The following ATP6V1H variants were observed in gnomAD, a reference collection of about 807,000 sequenced individuals.
ATP6V1H encodes the protein V-type proton ATPase subunit H.
ATP6V1H carries 39 observed loss-of-function variants against 71.7 expected under a neutral mutation model. The ratio of observed to expected loss-of-function variants is 0.54; its 90% CI spans 0.42 to 0.71. The LOEUF (loss-of-function observed/expected upper bound fraction) is 0.71. ATP6V1H is among the 30% of genes least tolerant of loss of function. ATP6V1H has a pLI of 0.00. For missense variants in ATP6V1H, 509 were observed against 594.9 expected, an observed-to-expected ratio of 0.86 and a Z score of 1.50; for synonymous variants, 192 against 199.3, an observed-to-expected ratio of 0.96 and a Z score of 0.31.
intron 9 of ATP6V1H, among the ~76,000 whole-genome samples, chr8:53,775,330 G>C (rs922461920): frequency 2.6e-5 from 4 of 152,202 alleles, no homozygotes; most frequent in Non-Finnish European, 5.9e-5. Flanking sequence ...AAGAGCGAAA[G>C]AACACAGCTC....
At chr8:53,720,392 C>T (rs1806572852) in intron 13 of ATP6V1H, among the ~76,000 whole-genome samples, 1 of 152,182 alleles carries the variant, frequency 6.6e-6, no homozygotes. Flanking sequence ...CACTGAAAAA[C>T]TGACTTCCAC....
At chr8:53,757,270 C>T (rs544851244) in intron 11 of ATP6V1H, among the ~76,000 whole-genome samples, 1 of 152,268 alleles carries the variant, frequency 6.6e-6, no homozygotes, top group South Asian at 2.1e-4. Context: ...AGAACAGGAG[C>T]CAGGAACCAG....
At position 53,803,353 on chromosome 8, in the gene ATP6V1H, CAGA is replaced by C. The variant is rs530030781; in HGVS notation, c.580-1460_580-1458del. On this transcript the variant is annotated intron_variant, in intron 7 of 13. Transcript: ENST00000359530. ...CTCTATCTCAAAAAAAAAATAAAAA[CAGA>C]AGAAGAAGAAGAGAAAGGAAAAGAA... 2.3e-3 allele frequency among the ~76,000 whole-genome samples: 355 copies of C among 151,570 alleles called. 2 individuals carry two copies. The highest frequency in any genetic ancestry group is 8.0e-3 in the African/African-American group (331 of 41,374).
At chr8:53,826,180 C>T (rs1395966756) in intron 4 of ATP6V1H, among the ~76,000 whole-genome samples, 1 of 152,104 alleles carries the variant, frequency 6.6e-6, no homozygotes, top group African/African-American at 2.4e-5. Context: ...GAGAAGGTTA[C>T]AGGGAACCAG....
At chr8:53,748,032 C>T (rs917467618) in intron 12 of ATP6V1H, among the ~76,000 whole-genome samples, 2 of 151,976 alleles carry the variant, frequency 1.3e-5, no homozygotes, top group African/African-American at 4.8e-5. Flanking sequence ...GTGGTGGGCG[C>T]CTGTAATCCC....
At chr8:53,780,753 A>C (rs1225468121) in intron 9 of ATP6V1H, among the ~76,000 whole-genome samples, 2 of 151,390 alleles carry the variant, frequency 1.3e-5, no homozygotes, top group Non-Finnish European at 2.9e-5. Flanking sequence ...ATGTGTTCTC[A>C]TTGTTCAATT....
At chr8:53,730,738 T>C (rs1806986850) in intron 13 of ATP6V1H, among the ~76,000 whole-genome samples, 1 of 152,166 alleles carries the variant, frequency 6.6e-6, no homozygotes, top group Non-Finnish European at 1.5e-5. Flanking sequence ...AAGCAGCTTT[T>C]CAGTAGTTAA....
chr8:53,803,443 A>T (rs950633281), intron 7 of ATP6V1H, among the ~76,000 whole-genome samples: 1 of 152,236 alleles, frequency 6.6e-6, no homozygotes, highest in African/African-American at 2.4e-5. Flanking sequence ...TTAAGGAAAG[A>T]ATCACAGGTG....
At chr8:53,840,925 T>C (rs1350284612) in intron 2 of ATP6V1H, among the ~76,000 whole-genome samples, 1 of 152,042 alleles carries the variant, frequency 6.6e-6, no homozygotes. Flanking sequence ...TACTGAAACA[T>C]CAGCACATTA....
intron 2 of ATP6V1H, among the ~76,000 whole-genome samples, chr8:53,839,419 C>T (rs1811274306): frequency 6.6e-6 from 1 of 152,080 alleles, no homozygotes. Context: ...AGCAAGTCTC[C>T]CCTCCTCCTG....
chr8:53,803,173 C>T (rs1809970338), intron 7 of ATP6V1H, among the ~76,000 whole-genome samples: 1 of 152,096 alleles, frequency 6.6e-6, no homozygotes, highest in South Asian at 2.1e-4. Context: ...TCCATCTCTA[C>T]TAAAAATACA....
chr8:53,755,980 A>C (rs1417732405), intron 12 of ATP6V1H, among the ~76,000 whole-genome samples: 1 of 140,016 alleles, frequency 7.1e-6, no homozygotes, highest in Non-Finnish European at 1.5e-5. Context: ...GATGGTCTCG[A>C]TCTCCTGACC....
chr8:53,758,781 C>T (rs1808159163), intron 11 of ATP6V1H, among the ~76,000 whole-genome samples: 1 of 152,218 alleles, frequency 6.6e-6, no homozygotes, highest in Admixed American at 6.5e-5. Flanking sequence ...CAGATGCCAT[C>T]TGTTTTTGTA....
chr8:53,771,641 T>C (rs1222746415), intron 10 of ATP6V1H, among the ~76,000 whole-genome samples: 1 of 152,190 alleles, frequency 6.6e-6, no homozygotes. Context: ...ACTTTCTCCA[T>C]ATACAGGCAA....
intron 9 of ATP6V1H, among the ~76,000 whole-genome samples, chr8:53,788,239 A>G (rs978117497): frequency 1.3e-5 from 2 of 152,204 alleles, no homozygotes; most frequent in Non-Finnish European, 2.9e-5. Context: ...AGAATCTAAA[A>G]AAAACTAATA....
At chr8:53,759,721 T>C (rs759184299) in intron 11 of ATP6V1H, among the ~76,000 whole-genome samples, 38 of 152,264 alleles carry the variant, frequency 2.5e-4, no homozygotes, top group Non-Finnish European at 4.8e-4. Flanking sequence ...TCTCAGTTTT[T>C]GCTTTTCTTC....
At chr8:53,755,334 A>G (rs1219638763) in intron 12 of ATP6V1H, among the ~76,000 whole-genome samples, 1 of 151,944 alleles carries the variant, frequency 6.6e-6, no homozygotes, top group Non-Finnish European at 1.5e-5. Context: ...ACCATCCCTT[A>G]ATTGTATCCA....
In ATP6V1H at chr8:53,729,301, T is replaced by C. The variant is rs551198133; in HGVS notation, c.1392-13277A>G. Among the ~76,000 whole-genome samples the C allele has an allele frequency of 9.9e-5, 15 of 152,152 alleles. No homozygotes were observed. The South Asian group carries it at 3.1e-3, about 32-fold the overall frequency. ...GAGGAAGAAGAAAATATGAAACAGG[T>C]TCACTGTGCACTGGTTACCAACTTG... On this transcript the variant is annotated intron_variant, in intron 13 of 13. Transcript: ENST00000359530.
chr8:53,833,632 C>T (rs1811076046), intron 2 of ATP6V1H, among the ~76,000 whole-genome samples: 2 of 152,062 alleles, frequency 1.3e-5, no homozygotes, highest in Non-Finnish European at 2.9e-5. Flanking sequence ...TCCTATTTTC[C>T]TCCATCTCTT....
Sources: gnomAD v4.1 joint callset for allele counts (sites outside exome capture counted in the v4.1 genomes callset) on GRCh38, gnomAD v4.1.1 for gene constraint, MANE v1.5 for transcripts, NCBI Gene and HGNC (gene_info 2026-07-23, HGNC 2026-07-21) for gene names.